The following ASIC2 variants were observed in gnomAD, a reference collection of about 807,000 sequenced individuals.
The protein encoded by ASIC2 is acid sensing ion channel subunit 2.
In ASIC2, 25 loss-of-function variants were observed where a neutral mutation model predicts 57.3. The ratio of observed to expected loss-of-function variants is 0.44; its 90% CI spans 0.32 to 0.61. The LOEUF (loss-of-function observed/expected upper bound fraction) is 0.61. Ranked by LOEUF, ASIC2 falls within the 20% of genes least tolerant of loss-of-function variation. The pLI, the probability that ASIC2 is intolerant of heterozygous loss-of-function variation, is 0.06. For synonymous variants in ASIC2, 319 were observed against 307.5 expected, an observed-to-expected ratio of 1.04 and a Z score of -0.39; for missense variants, 641 against 738.1, an observed-to-expected ratio of 0.87 and a Z score of 1.52.
intron 1 of ASIC2, among the ~76,000 whole-genome samples, chr17:33,119,973 C>T (rs553407454): frequency 2.6e-5 from 4 of 152,246 alleles, no homozygotes; most frequent in East Asian, 1.9e-4. Flanking sequence ...TTGCTTTGAA[C>T]GCTCCGTCTG....
intron 1 of ASIC2, among the ~76,000 whole-genome samples, chr17:33,573,565 T>G (rs1916520759): frequency 6.6e-6 from 1 of 152,134 alleles, no homozygotes; most frequent in Non-Finnish European, 1.5e-5. Context: ...CTTGTTTTTT[T>G]GTTTTGTTTT....
intron 1 of ASIC2, among the ~76,000 whole-genome samples, chr17:33,650,476 G>C (rs1204875624): frequency 6.6e-6 from 1 of 152,090 alleles, no homozygotes; most frequent in Non-Finnish European, 1.5e-5. Flanking sequence ...GCACCTCTGG[G>C]CATTTATCCC....
intron 1 of ASIC2, among the ~76,000 whole-genome samples, chr17:33,554,900 T>C (rs1915860294): frequency 6.6e-6 from 1 of 152,068 alleles, no homozygotes; most frequent in Non-Finnish European, 1.5e-5. Flanking sequence ...CACTAGACCA[T>C]AAATAAAAGG....
intron 1 of ASIC2, among the ~76,000 whole-genome samples, chr17:33,991,512 C>T (rs563255162): frequency 6.6e-6 from 1 of 152,326 alleles, no homozygotes; most frequent in Non-Finnish European, 1.5e-5. Context: ...AGCACCTCCT[C>T]TGCATGGAGT....
chr17:33,350,280 G>A (rs921011451), intron 1 of ASIC2, among the ~76,000 whole-genome samples: 1 of 152,216 alleles, frequency 6.6e-6, no homozygotes, highest in Non-Finnish European at 1.5e-5. Context: ...CTGGGACTAT[G>A]TCTTGCCTCT....
chr17:33,391,609 C>T (rs1375790753), intron 1 of ASIC2, among the ~76,000 whole-genome samples: 1 of 152,182 alleles, frequency 6.6e-6, no homozygotes, highest in African/African-American at 2.4e-5. Context: ...CTCTCCTTGC[C>T]TTGACCTTGA....
rs369147239 is a variant in ASIC2, at chr17:33,679,051, C to G, written c.555+476927G>C. Reference sequence around the variant, plus strand: ...TGGGTTTAGTGTGTTCATGTTTCAACAAGAATGTAAGTTTGGGATCAGACA... The same window carrying G: ...TGGGTTTAGTGTGTTCATGTTTCAAGAAGAATGTAAGTTTGGGATCAGACA... On this transcript the variant is annotated intron_variant, in intron 1 of 9. Transcript: ENST00000359872. Among the ~76,000 whole-genome samples, 34 of 152,292 alleles carry G rather than the reference C, an allele frequency of 2.2e-4. No individual in the cohort carries two copies. The South Asian group carries it at 2.9e-3, about 13-fold the overall frequency.
chr17:33,770,113 C>T (rs545578996), intron 1 of ASIC2, among the ~76,000 whole-genome samples: 2 of 152,310 alleles, frequency 1.3e-5, no homozygotes, highest in South Asian at 4.1e-4. Context: ...AATGATTCTC[C>T]ATGAATCCAG....
intron 1 of ASIC2, among the ~76,000 whole-genome samples, chr17:33,964,299 C>A (rs1395238039): frequency 6.6e-6 from 1 of 152,208 alleles, no homozygotes; most frequent in Non-Finnish European, 1.5e-5. Context: ...GCAGGGCTCA[C>A]CCCTCTCCCC....
intron 1 of ASIC2, among the ~76,000 whole-genome samples, chr17:33,558,164 A>C (rs964764930): frequency 6.6e-6 from 1 of 152,062 alleles, no homozygotes; most frequent in Non-Finnish European, 1.5e-5. Flanking sequence ...GAGTGTAGAA[A>C]TAAAGACACA....
intron 1 of ASIC2, chr17:33,533,432 T>A (rs932437770): frequency 6.6e-6 from 1 of 152,206 alleles, no homozygotes; most frequent in Non-Finnish European, 1.5e-5. Flanking sequence ...TATATGAAAT[T>A]TTCTTAAAGT....
intron 1 of ASIC2, among the ~76,000 whole-genome samples, chr17:33,851,403 G>A (rs1205635476): frequency 1.3e-5 from 2 of 152,210 alleles, no homozygotes; most frequent in African/African-American, 2.4e-5. Flanking sequence ...ACTGACGTAA[G>A]TGCAGAAATG....
At chr17:33,933,948 C>T (rs145537578) in intron 1 of ASIC2, among the ~76,000 whole-genome samples, 29 of 152,320 alleles carry the variant, frequency 1.9e-4, no homozygotes, top group Admixed American at 4.6e-4. Flanking sequence ...CCAAGGCAGC[C>T]GAGCTGTTAG....
chr17:33,871,823 G>T (rs73288685), intron 1 of ASIC2, among the ~76,000 whole-genome samples: 1 of 152,158 alleles, frequency 6.6e-6, no homozygotes, highest in Non-Finnish European at 1.5e-5. Flanking sequence ...CAGACAGGCA[G>T]CACTGGGCGC....
At chr17:33,180,481 A>G (rs776478450) in intron 1 of ASIC2, among the ~76,000 whole-genome samples, 35 of 152,092 alleles carry the variant, frequency 2.3e-4, no homozygotes, top group Non-Finnish European at 4.1e-4. Context: ...CACATGGAGG[A>G]GCATCTGACG....
At chr17:33,668,372 C>CT (rs1166577446) in intron 1 of ASIC2, among the ~76,000 whole-genome samples, 1 of 141,302 alleles carries the variant, frequency 7.1e-6, no homozygotes, top group Non-Finnish European at 1.5e-5. Flanking sequence ...TCTGGAAGCT[C>CT]TGGGGGAAAA....
intron 1 of ASIC2, among the ~76,000 whole-genome samples, chr17:33,727,029 T>C (rs1351680343): frequency 6.6e-6 from 1 of 152,136 alleles, no homozygotes. Flanking sequence ...AATCACTGAA[T>C]CTCCTAGAAG....
intron 1 of ASIC2, among the ~76,000 whole-genome samples, chr17:33,890,137 G>A (rs976893523): frequency 5.9e-5 from 9 of 152,106 alleles, no homozygotes; most frequent in African/African-American, 2.2e-4. Context: ...CCTTAGTTAT[G>A]TTAGCTAATT....
chr17:33,161,722 G>A lies in ASIC2; in HGVS notation c.709-49655C>T, dbSNP rs145477525. On this transcript the variant is annotated intron_variant, in intron 1 of 9. Coordinates refer to ENST00000225823, the MANE Select transcript of ASIC2 (RefSeq NM_183377.2). ...AATATCTTTTACCATCTGATGGCTGGGGTCTTTCCCCACGGCATTTTATGC... is the reference window on the plus strand; with the variant it reads ...AATATCTTTTACCATCTGATGGCTGAGGTCTTTCCCCACGGCATTTTATGC... Among the ~76,000 whole-genome samples, 618 of 152,266 alleles carry A rather than the reference G, an allele frequency of 4.1e-3. 5 individuals carry two copies. The highest frequency in any genetic ancestry group is 0.014 in the African/African-American group (576 of 41,540).
Sources: gnomAD v4.1 joint callset for allele counts (sites outside exome capture counted in the v4.1 genomes callset) on GRCh38, gnomAD v4.1.1 for gene constraint, MANE v1.5 for transcripts, NCBI Gene and HGNC (gene_info 2026-07-23, HGNC 2026-07-21) for gene names.